ITGA1: variants seen among roughly 807,000 people sequenced by gnomAD.
ITGA1 encodes integrin alpha-1.
A neutral mutation model predicts 145.9 loss-of-function variants in ITGA1; 85 were observed. The observed-to-expected ratio is 0.58, with a 90% CI of 0.49 to 0.70. ITGA1 has a LOEUF of 0.70. ITGA1 is among the 30% of genes least tolerant of loss of function. The pLI is 0.00. For synonymous variants in ITGA1, 520 were observed against 495.3 expected (o/e 1.05, Z -0.66); for missense variants, 1,351 against 1,418.7 (o/e 0.95, Z 0.77).
chr5:52,944,874 A>C, intron 26 of ITGA1, 69 bp from the exon 27 acceptor site: 1 of 1,053,692 alleles, frequency 9.5e-7, no homozygotes, highest in Non-Finnish European at 1.4e-6. Context: ...TAAATGTCCT[A>C]CTCAAACATG....
chr5:52,905,752 T>C lies in ITGA1; in HGVS notation c.1310-11T>C. The C allele has an allele frequency of 6.2e-7, 1 of 1,609,430 alleles. No individual in the cohort carries two copies. On this transcript the variant is annotated splice_polypyrimidine_tract_variant and intron_variant, in intron 11 of 28. Transcript: ENST00000282588. The stretch of plus-strand genomic sequence containing the variant: ...GTCCAGGTGGTATACCTGGAATCTT[T>C]CTTTTGTTAGGTTACACTGTAAACT...
intron 26 of ITGA1, among the ~76,000 whole-genome samples, chr5:52,941,388 C>A (rs191011916): frequency 6.6e-6 from 1 of 152,206 alleles, no homozygotes; most frequent in Non-Finnish European, 1.5e-5. Context: ...ACATCCCCAC[C>A]AACAGTGTAT....
intron 11 of ITGA1, among the ~76,000 whole-genome samples, chr5:52,900,930 T>C (rs973512525): frequency 6.6e-6 from 1 of 152,206 alleles, no homozygotes; most frequent in Non-Finnish European, 1.5e-5. Flanking sequence ...TGTAATGTTA[T>C]ATAATAAACA....
intron 1 of ITGA1, among the ~76,000 whole-genome samples, chr5:52,827,858 GATTAC>G (rs1421785574): frequency 6.6e-6 from 1 of 152,296 alleles, no homozygotes; most frequent in African/African-American, 2.4e-5. Context: ...GTACTTAATA[GATTAC>G]ATTGTAGTTC....
At position 52,898,385 on chromosome 5, in the gene ITGA1, T is replaced by C. The variant is rs1207807236; in HGVS notation, c.1309+2T>C. 1.9e-6 allele frequency: 3 copies of C among 1,592,848 alleles called. No individual in the cohort carries two copies. The highest frequency in any genetic ancestry group is 2.6e-6 in the Non-Finnish European group (3 of 1,171,554). Reference sequence around the variant, plus strand: ...ATGAACCGCTTGCTTCTTATTTAGGTAAGGTTTGGATATAATTATAAAAGA... The same window carrying C: ...ATGAACCGCTTGCTTCTTATTTAGGCAAGGTTTGGATATAATTATAAAAGA... On this transcript the variant is annotated splice_donor_variant, in intron 11 of 28. Coordinates refer to ENST00000282588, the MANE Select transcript of ITGA1 (RefSeq NM_181501.2). LOFTEE classifies it high-confidence loss of function.
At chr5:52,901,805 C>T (rs1028229400) in intron 11 of ITGA1, 3 of 152,166 alleles carry the variant, frequency 2.0e-5, no homozygotes, top group Non-Finnish European at 4.4e-5. Flanking sequence ...TGACTTCTCT[C>T]TGTCCAAAAA....
intron 1 of ITGA1, among the ~76,000 whole-genome samples, chr5:52,797,914 C>T (rs1355348538): frequency 6.6e-6 from 1 of 152,148 alleles, no homozygotes; most frequent in Non-Finnish European, 1.5e-5. Context: ...TGTGTGCTTA[C>T]CACTGTGATT....
At chr5:52,939,773 G>T in intron 25 of ITGA1, 67 bp from the exon 26 acceptor site, 1 of 1,444,416 alleles carries the variant, frequency 6.9e-7, no homozygotes, top group South Asian at 1.2e-5. Flanking sequence ...ACCATCTGAA[G>T]AATTTAAATA....
intron 18 of ITGA1, among the ~76,000 whole-genome samples, chr5:52,923,596 A>G (rs534509918): frequency 3.3e-5 from 5 of 152,320 alleles, no homozygotes; most frequent in Admixed American, 6.5e-5. Flanking sequence ...ACCCATGCAC[A>G]CATAACCCTA....
intron 6 of ITGA1, among the ~76,000 whole-genome samples, chr5:52,875,856 G>C (rs1749858194): frequency 6.6e-6 from 1 of 151,696 alleles, no homozygotes; most frequent in Non-Finnish European, 1.5e-5. Flanking sequence ...AACGTAATTG[G>C]CTACTTCAAG....
Position 52,939,889 on chromosome 5 carries a change from C to T in ITGA1, c.3230C>T (p.Ser1077Phe). ...ACCATCACATGTAATCTCACTTCTTCTGACATCAGCCAAGTCAATGTTTCG... is the reference window on the plus strand; with the variant it reads ...ACCATCACATGTAATCTCACTTCTTTTGACATCAGCCAAGTCAATGTTTCG... ...FATITCNLTS[S>F]DISQVNVSLI... The change falls in exon 26 of 29, where the codon TCT becomes TTT. Residue 1077 changes from serine (S) to phenylalanine (F), a missense_variant. Physicochemically the swap from Ser to Phe is radical, Grantham distance 155. Coordinates refer to ENST00000282588, the MANE Select transcript of ITGA1 (RefSeq NM_181501.2). 6.2e-7 allele frequency: 1 copy of T among 1,613,746 alleles called. No individual in the cohort carries two copies. Among genetic ancestry groups the T allele is most frequent in the South Asian group, 1.1e-5 (1 of 91,068 alleles).
chr5:52,931,943 C>T lies in ITGA1; in HGVS notation c.2772-104C>T. The T allele has an allele frequency of 4.5e-6, 3 of 673,862 alleles. No individual in the cohort carries two copies. In the South Asian group the frequency reaches 6.1e-5, roughly 14 times the overall value. 41.7% of individuals were successfully genotyped at this position (673,862 alleles called of 1,614,324 possible). A position where few individuals can be genotyped will look rare whatever the true frequency, so the allele number is the denominator to read the frequency against. On this transcript the variant is annotated intron_variant, in intron 21 of 28. Coordinates refer to ENST00000282588, the MANE Select transcript of ITGA1 (RefSeq NM_181501.2). Reference sequence around the variant, plus strand: ...TGATTAAAAATTATACTCTTACATGCTTTTATTTAGTTGCCAGGATAAGCT... The same window carrying T: ...TGATTAAAAATTATACTCTTACATGTTTTTATTTAGTTGCCAGGATAAGCT...
intron 6 of ITGA1, among the ~76,000 whole-genome samples, chr5:52,871,655 C>G (rs375982186): frequency 8.4e-6 from 1 of 119,198 alleles, no homozygotes; most frequent in African/African-American, 3.2e-5. Context: ...AGGAAGGAAA[C>G]TTACATTAAG....
intron 1 of ITGA1, 33 bp downstream of exon 1, chr5:52,788,447 G>A: frequency 1.4e-6 from 2 of 1,464,598 alleles, no homozygotes; most frequent in Non-Finnish European, 9.0e-7. Context: ...AGCATCTCCT[G>A]CTCGCGGGCT....
At chr5:52,927,257 C>G (rs775478996) in intron 19 of ITGA1, among the ~76,000 whole-genome samples, 2 of 152,212 alleles carry the variant, frequency 1.3e-5, no homozygotes, top group Non-Finnish European at 2.9e-5. Flanking sequence ...GAAGACTGCT[C>G]TGCACCAGTC....
chr5:52,896,181 G>A (rs1350610121), intron 9 of ITGA1, among the ~76,000 whole-genome samples: 1 of 152,152 alleles, frequency 6.6e-6, no homozygotes, highest in Non-Finnish European at 1.5e-5. Flanking sequence ...AAGCCCAGGA[G>A]AATATAGTGG....
intron 2 of ITGA1, among the ~76,000 whole-genome samples, chr5:52,852,484 T>C (rs932868047): frequency 6.6e-6 from 1 of 152,026 alleles, no homozygotes; most frequent in African/African-American, 2.4e-5. Flanking sequence ...TAAATCTTGG[T>C]GGAAGTTTGG....
rs58664401 is a variant in ITGA1, at chr5:52,872,575, A to ATTTTTTTTTT, written c.624+6767_624+6776dup. 1.7e-3 allele frequency among the ~76,000 whole-genome samples: 172 copies of ATTTTTTTTTT among 98,332 alleles called. 21 individuals carry two copies. The highest frequency in any genetic ancestry group is 2.2e-3 in the African/African-American group (61 of 27,740). 64.5% of individuals were successfully genotyped at this position (98,332 alleles called of 152,430 possible). A position where few individuals can be genotyped will look rare whatever the true frequency, so the allele number is the denominator to read the frequency against. On this transcript the variant is annotated intron_variant, in intron 6 of 28. Transcript: ENST00000282588. ...CTTCCCCTTACACCCGCCTCAGTCAATTTTTTTTTTTTTTTTTTGTGGGTG... is the reference window on the plus strand; with the variant it reads ...CTTCCCCTTACACCCGCCTCAGTCAATTTTTTTTTTTTTTTTTTTTTTTTTTTTGTGGGTG...
chr5:52,919,000 G>C, intron 16 of ITGA1, 102 bp downstream of exon 16: 1 of 1,003,484 alleles, frequency 1.0e-6, no homozygotes, highest in Non-Finnish European at 1.4e-6. Context: ...CACATGGTGA[G>C]CTGCACGTCA....
Sources: gnomAD v4.1 joint callset for allele counts (sites outside exome capture counted in the v4.1 genomes callset) on GRCh38, gnomAD v4.1.1 for gene constraint, MANE v1.5 for transcripts, NCBI Gene and HGNC (gene_info 2026-07-23, HGNC 2026-07-21) for gene names.